Variants in COL11A2 observed in about 807,000 individuals in gnomAD.
The protein encoded by COL11A2 is collagen type XI alpha 2 chain.
Under a neutral mutation model 273.4 loss-of-function variants are expected in COL11A2, and 116 were observed. That is an observed-to-expected ratio of 0.42 (90% confidence interval 0.36 to 0.49). The LOEUF (loss-of-function observed/expected upper bound fraction) is 0.49. Among genes scored for constraint, COL11A2 ranks in the 20% least tolerant of loss-of-function variants. COL11A2 has a pLI of 0.00. For missense variants in COL11A2, 1,866 were observed against 2,309.0 expected, an observed-to-expected ratio of 0.81 and a Z score of 3.93; for synonymous variants, 782 against 864.2, an observed-to-expected ratio of 0.90 and a Z score of 1.67.
Position 33,173,502 on chromosome 6 carries a change from CG to C in COL11A2, c.2681del (p.Pro894ArgfsTer90). 1 of 1,609,662 alleles carries C rather than the reference CG, an allele frequency of 6.2e-7. No homozygotes were observed. ...GGGTCAGAGCTCGGGGTCAACTTAC[CG>C]GGGGTCCTTTCGGTCCAGGAAACCC... ...PNGFPGPKGP[P>X]GPPGKDGLPG... On this transcript the variant is annotated frameshift_variant and splice_region_variant, in exon 36 of 66. Transcript: ENST00000341947. LOFTEE classifies it high-confidence loss of function. This position sits in a 1 kb window ranked among gnomAD's most constrained non-coding sequence, Gnocchi z 6.3.
At position 33,169,235 on chromosome 6, in the gene COL11A2, GGCATCCCTCTGGATGCCCCATTCCCAGA is replaced by G; in HGVS notation, c.3798+120_3798+147del. 1.3e-6 allele frequency: 1 copy of G among 784,192 alleles called. No homozygotes were observed. Among genetic ancestry groups the G allele is most frequent in the Non-Finnish European group, 2.1e-6 (1 of 477,630 alleles). 48.6% of individuals were successfully genotyped at this position (784,192 alleles called of 1,614,324 possible). ...CTTTCTCTCCGGATCCTAGACCCCA[GGCATCCCTCTGGATGCCCCATTCCCAGA>G]GCATCCCCCAAACTCCCGGGCTCCC... is the stretch of plus-strand genomic sequence containing the variant. On this transcript the variant is annotated intron_variant, in intron 51 of 65. Coordinates refer to ENST00000341947, the MANE Select transcript of COL11A2 (RefSeq NM_080680.3). The surrounding 1 kb of genome is among the most constrained non-coding windows in gnomAD (Gnocchi z 5.5).
chr6:33,171,137 G>T lies in COL11A2; in HGVS notation c.3343C>A (p.Pro1115Thr), dbSNP rs372806452. Residue 1115 changes from proline (P) to threonine (T), a missense_variant, in exon 45 of 66, where the codon CCT becomes ACT. By Grantham distance (38) the Pro-to-Thr change is conservative. Transcript: ENST00000341947. ...GPPGPPGPIG[P>T]VGQPGAAGAD... The stretch of plus-strand genomic sequence containing the variant: ...ACCGCTGCTCCAGGCTGCCCCACAG[G>T]ACCAATGGGTCCAGGGGGTCCAGGA... 6.5e-5 allele frequency: 103 copies of T among 1,593,834 alleles called. No homozygotes were observed. The highest frequency in any genetic ancestry group is 7.6e-5 in the Non-Finnish European group (89 of 1,169,332).
chr6:33,186,817 C>A lies in COL11A2; in HGVS notation c.608G>T (p.Gly203Val), dbSNP rs1772479876. 6.2e-7 allele frequency: 1 copy of A among 1,613,914 alleles called. No homozygotes were observed. The highest frequency in any genetic ancestry group is 8.5e-7 in the Non-Finnish European group (1 of 1,180,042). The change falls in exon 5 of 66, where the codon GGT becomes GTT. Residue 203 changes from glycine (G) to valine (V), a missense_variant and splice_region_variant. Physicochemically the swap from Gly to Val is moderately radical, Grantham distance 109. Transcript: ENST00000341947. ...GACAATGGCCAGCTCCTGGACATCACCCTGCAAAGACATGAGAGAGATGGA... is the reference window on the plus strand; with the variant it reads ...GACAATGGCCAGCTCCTGGACATCAACCTGCAAAGACATGAGAGAGATGGA... ...ARILDEEVFEGDVQELAIVPG... is the reference protein window; with the variant it reads ...ARILDEEVFEVDVQELAIVPG...
chr6:33,179,236 G>C lies in COL11A2; in HGVS notation c.1552C>G (p.Pro518Ala). The change falls in exon 15 of 66, where the codon CCT becomes GCT. Residue 518 changes from proline to alanine, a missense_variant. By Grantham distance (27) the Pro-to-Ala change is conservative. Transcript: ENST00000341947. This position sits in a 1 kb window ranked among gnomAD's most constrained non-coding sequence, Gnocchi z 6.4. ...GLKGESGDLG[P>A]QGPRGPQGLT... ...CAGTGGAGGAAAGTGGTCACCTGAG[G>C]TCCTAAGTCTCCAGACTCTCCTTTC... The C allele has an allele frequency of 1.9e-6, 3 of 1,612,142 alleles. No homozygotes were observed. Among genetic ancestry groups the C allele is most frequent in the Non-Finnish European group, 2.5e-6 (3 of 1,179,480 alleles).
rs183172719 is a variant in COL11A2 at position 33,190,765 on chromosome 6, G to C, written c.83-1296C>G. On this transcript the variant is annotated intron_variant, in intron 1 of 65. Coordinates refer to ENST00000341947, the MANE Select transcript of COL11A2 (RefSeq NM_080680.3). This position sits in a 1 kb window ranked among gnomAD's most constrained non-coding sequence, Gnocchi z 4.5. Reference sequence around the variant, plus strand: ...CACAAGGGCCGCTTTGAGAGACGAAGGGTGAGTGAGACAGAGACACAGAGA... The same window carrying C: ...CACAAGGGCCGCTTTGAGAGACGAACGGTGAGTGAGACAGAGACACAGAGA... Among the ~76,000 whole-genome samples, 302 of 152,214 alleles carry C rather than the reference G, an allele frequency of 2.0e-3. 5 individuals are homozygous for C. In the South Asian group the frequency reaches 0.031, roughly 16 times the overall value.
rs766503812 is a variant in COL11A2, at chr6:33,171,730, C to T, written c.3133G>A (p.Gly1045Arg). 1 of 1,612,988 alleles carries T rather than the reference C, an allele frequency of 6.2e-7. No homozygotes were observed. Among genetic ancestry groups the T allele is most frequent in the South Asian group, 1.1e-5 (1 of 91,080 alleles). ...PGPQGPPGAA[G>R]EKGVPGEKGP... Reference sequence around the variant, plus strand: ...ACACTCACTGGGACACCTTTCTCTCCTGCTGCTCCAGGGGGACCCTGCGGG... The same window carrying T: ...ACACTCACTGGGACACCTTTCTCTCTTGCTGCTCCAGGGGGACCCTGCGGG... The change falls in exon 42 of 66, where the codon GGA becomes AGA. Residue 1045 changes from glycine (G) to arginine (R), a missense_variant. By Grantham distance (125) the Gly-to-Arg change is moderately radical. Transcript: ENST00000341947.
intron 30 of COL11A2, 63 bp from the exon 31 acceptor site, chr6:33,174,643 G>A: frequency 6.6e-7 from 1 of 1,523,654 alleles, no homozygotes; most frequent in Non-Finnish European, 9.0e-7. Context: ...CACCCCTGGA[G>A]ACCTCAACCC....
In COL11A2 at chr6:33,190,050, G is replaced by C. The variant is rs1426796170; in HGVS notation, c.83-581C>G. ...GGGGGGCCACGAGGAAGAGATCAGA[G>C]AAGCAGCTCTATGAGAGGGGCTTCA... On this transcript the variant is annotated intron_variant, in intron 1 of 65. Transcript: ENST00000341947. The surrounding 1 kb of genome is among the most constrained non-coding windows in gnomAD (Gnocchi z 4.5). 6.6e-6 allele frequency among the ~76,000 whole-genome samples: 1 copy of C among 152,144 alleles called. No individual in the cohort carries two copies. Among genetic ancestry groups the C allele is most frequent in the Non-Finnish European group, 1.5e-5 (1 of 68,022 alleles).
chr6:33,184,382 T>C (rs1304648837), intron 7 of COL11A2, 58 bp from the exon 8 acceptor site: 6 of 1,252,968 alleles, frequency 4.8e-6, no homozygotes, highest in Non-Finnish European at 4.3e-6. Context: ...GAGAGGAGGC[T>C]TACCCTGGAC....
Position 33,171,153 on chromosome 6 carries a change from G to A in COL11A2, c.3327C>T (p.Pro1109=). 4 of 1,601,732 alleles carry A rather than the reference G, an allele frequency of 2.5e-6. No individual in the cohort carries two copies. In the South Asian group the frequency reaches 4.4e-5, roughly 18 times the overall value. ...GNKGEHGPPG[P]PGPIGPVGQP... is the part of the protein sequence containing the mutation. ...GCCCCACAGGACCAATGGGTCCAGGGGGTCCAGGAGGGCCCTGGGTAAGAG... is the reference window on the plus strand; with the variant it reads ...GCCCCACAGGACCAATGGGTCCAGGAGGTCCAGGAGGGCCCTGGGTAAGAG... The change falls in exon 45 of 66, where the codon CCC becomes CCT. Residue 1109 remains proline (P), a synonymous_variant. Coordinates refer to ENST00000341947, the MANE Select transcript of COL11A2 (RefSeq NM_080680.3).
In COL11A2 at chr6:33,174,235, A is replaced by AG. The variant is rs9280359; in HGVS notation, c.2431-18dup. The AG allele has an allele frequency of 6.4e-7, 1 of 1,557,372 alleles. No individual in the cohort carries two copies. The highest frequency in any genetic ancestry group is 1.2e-5 in the South Asian group (1 of 84,740). ...TAGGGACCCCTGGTGAGAACGGAGA[A>AG]GGGGGGAAATTGAGAAGTTATGAAA... On this transcript the variant is annotated splice_polypyrimidine_tract_variant and intron_variant, in intron 31 of 65. Coordinates refer to ENST00000341947, the MANE Select transcript of COL11A2 (RefSeq NM_080680.3).
At position 33,178,393 on chromosome 6, in the gene COL11A2, A is replaced by G. The variant is rs771407171; in HGVS notation, c.1774-41T>C. On this transcript the variant is annotated intron_variant, in intron 19 of 65. Transcript: ENST00000341947. The surrounding 1 kb of genome is among the most constrained non-coding windows in gnomAD (Gnocchi z 4.6). ...ACGGTAAAGCTGCTGTGCCTTCTAG[A>G]CCTCCCCTGCACCCAGCCCCTACAT... 1 of 1,611,520 alleles carries G rather than the reference A, an allele frequency of 6.2e-7. No homozygotes were observed. The highest frequency in any genetic ancestry group is 8.5e-7 in the Non-Finnish European group (1 of 1,179,660).
In COL11A2 at chr6:33,165,708, C is replaced by G. The variant is rs566171449; in HGVS notation, c.4591G>C (p.Gly1531Arg). The G allele has an allele frequency of 2.0e-5, 32 of 1,611,066 alleles. No individual in the cohort carries two copies. In the South Asian group the frequency reaches 3.3e-4, roughly 17 times the overall value. Residue 1531 changes from glycine to arginine, a missense_variant, in exon 63 of 66, where the codon GGG becomes CGG. Physicochemically the swap from Gly to Arg is moderately radical, Grantham distance 125 (BLOSUM62 -2). Coordinates refer to ENST00000341947, the MANE Select transcript of COL11A2 (RefSeq NM_080680.3). This position sits in a 1 kb window ranked among gnomAD's most constrained non-coding sequence, Gnocchi z 7.7. ...CCCCCAGGACTGCCGGGGGCTCCCC[C>G]GGTCGGTATGGCCTCATCTTCCTGC... is the stretch of plus-strand genomic sequence containing the variant. ...LMQEDEAIPT[G>R]GAPGSPGGLE...
At position 33,176,452 on chromosome 6, in the gene COL11A2, G is replaced by A. The variant is rs45526935; in HGVS notation, c.2150C>T (p.Pro717Leu). ...AGTTACCTTGACCCCTCGAGGTCCT[G>A]GGTATCCTAGAGGTCCCTGAGGTCC... ...PSGPQGPLGY[P>L]GPRGVKGVDG... Residue 717 changes from proline (P) to leucine (L), a missense_variant, in exon 27 of 66, where the codon CCA becomes CTA. By Grantham distance (98) the Pro-to-Leu change is moderately conservative. Coordinates refer to ENST00000341947, the MANE Select transcript of COL11A2 (RefSeq NM_080680.3). The surrounding 1 kb of genome is among the most constrained non-coding windows in gnomAD (Gnocchi z 4.9). 1.4e-5 allele frequency: 23 copies of A among 1,612,454 alleles called. No homozygotes were observed. Among genetic ancestry groups the A allele is most frequent in the Non-Finnish European group, 1.8e-5 (21 of 1,179,750 alleles).
intron 40 of COL11A2, 64 bp from the exon 41 acceptor site, chr6:33,172,167 GGAAGACAGGCTCCAAAA>G: frequency 6.2e-7 from 1 of 1,605,558 alleles, no homozygotes; most frequent in Admixed American, 1.7e-5. Flanking sequence ...AGCTGGAGAG[GGAAGACAGGCTCCAAAA>G]GATGGAAGTG....
In COL11A2 at chr6:33,174,017, GC is replaced by G. The variant is rs1770528957; in HGVS notation, c.2522del (p.Gly841AlafsTer143). On this transcript the variant is annotated frameshift_variant, in exon 33 of 66. Coordinates refer to ENST00000341947, the MANE Select transcript of COL11A2 (RefSeq NM_080680.3). LOFTEE classifies it high-confidence loss of function. ...SGKSGPRGERGPTGPRGQRGP... is the reference protein window; with the variant it reads ...SGKSGPRGERXPTGPRGQRGP... ...TTCTCTCCCCTGCACTCACCGTGGGGCCCCGTTCTCCCCGAGGCCCTGACTT... is the reference window on the plus strand; with the variant it reads ...TTCTCTCCCCTGCACTCACCGTGGGGCCCGTTCTCCCCGAGGCCCTGACTT... 1 of 1,613,876 alleles carries G rather than the reference GC, an allele frequency of 6.2e-7. No individual in the cohort carries two copies. The highest frequency in any genetic ancestry group is 2.2e-5 in the East Asian group (1 of 44,876).
chr6:33,178,806 C>G lies in COL11A2; in HGVS notation c.1666-74G>C, dbSNP rs573463839. On this transcript the variant is annotated intron_variant, in intron 17 of 65. Coordinates refer to ENST00000341947, the MANE Select transcript of COL11A2 (RefSeq NM_080680.3). The surrounding 1 kb of genome is among the most constrained non-coding windows in gnomAD (Gnocchi z 4.6). ...CCACCCCTCCCTACTGCACCCTGAG[C>G]TGGGGGGGTGCTGATCCTGGGGAAG... 1.2e-6 allele frequency: 2 copies of G among 1,603,572 alleles called. No homozygotes were observed. Among genetic ancestry groups the G allele is most frequent in the South Asian group, 1.1e-5 (1 of 90,922 alleles).
intron 11 of COL11A2, 29 bp from the exon 12 acceptor site, chr6:33,180,361 G>C (rs1442325380): frequency 1.3e-6 from 2 of 1,582,936 alleles, no homozygotes; most frequent in South Asian, 2.2e-5. Context: ...GCAAAAGATG[G>C]GGTGAAAGAT....
At chr6:33,168,467 C>G (rs939401521) in intron 54 of COL11A2, 52 bp downstream of exon 54, 14 of 1,602,646 alleles carry the variant, frequency 8.7e-6, no homozygotes, top group African/African-American at 4.0e-5. Flanking sequence ...CAGCCTCCAC[C>G]CACACAGCCC....
Sources: gnomAD v4.1 joint callset for allele counts (sites outside exome capture counted in the v4.1 genomes callset) on GRCh38, gnomAD v4.1.1 for gene constraint, Gnocchi (gnomAD v3.1) non-coding constraint, MANE v1.5 for transcripts, NCBI Gene and HGNC (gene_info 2026-07-23, HGNC 2026-07-21) for gene names.